The following ATP2B2 variants were observed in gnomAD, a reference collection of about 807,000 sequenced individuals.
ATP2B2 encodes the protein ATPase plasma membrane Ca2+ transporting 2.
Under a neutral mutation model 120.0 loss-of-function variants are expected in ATP2B2, and 15 were observed. The ratio of observed to expected loss-of-function variants is 0.12; its 90% confidence interval spans 0.08 to 0.19. The LOEUF (loss-of-function observed/expected upper bound fraction) is 0.19. Among genes scored for constraint, ATP2B2 ranks in the 10% least tolerant of loss-of-function variants. The probability of loss-of-function intolerance (pLI) is 1.00; values close to 1 mark genes in which losing one functional copy is unlikely to be tolerated. For missense variants in ATP2B2, 1,045 were observed against 1,719.8 expected (o/e 0.61, Z 6.94); for synonymous variants, 694 against 700.3 (o/e 0.99, Z 0.14).
chr3:10,442,395 G>A (rs776800387), intron 2 of ATP2B2, among the ~76,000 whole-genome samples: 13 of 152,122 alleles, frequency 8.5e-5, no homozygotes, highest in South Asian at 4.2e-4. Flanking sequence ...TATCTGTCCC[G>A]TGCTCTCCCT....
At chr3:10,392,264 T>C (rs1048308977) in intron 5 of ATP2B2, among the ~76,000 whole-genome samples, 1 of 152,170 alleles carries the variant, frequency 6.6e-6, no homozygotes, top group African/African-American at 2.4e-5. Flanking sequence ...ACATTTATAA[T>C]TGGGAATACC....
intron 3 of ATP2B2, among the ~76,000 whole-genome samples, chr3:10,523,043 T>C (rs376354387): frequency 2.9e-4 from 44 of 152,280 alleles, no homozygotes; most frequent in African/African-American, 1.0e-3. Flanking sequence ...CAGATGTGGA[T>C]AGTGAGGGTA....
At chr3:10,552,391 G>A (rs1014973073) in intron 2 of ATP2B2, among the ~76,000 whole-genome samples, 1 of 152,258 alleles carries the variant, frequency 6.6e-6, no homozygotes, top group African/African-American at 2.4e-5. Flanking sequence ...AGGTGGCAGC[G>A]TCCTGCCTTC....
At chr3:10,546,832 C>G (rs1044772236) in intron 2 of ATP2B2, among the ~76,000 whole-genome samples, 21 of 152,136 alleles carry the variant, frequency 1.4e-4, no homozygotes, top group African/African-American at 4.1e-4. Flanking sequence ...GGTGATGAAG[C>G]CAGGATTTGA....
chr3:10,464,386 G>T (rs2064643935), intron 1 of ATP2B2, among the ~76,000 whole-genome samples: 1 of 152,088 alleles, frequency 6.6e-6, no homozygotes, highest in Non-Finnish European at 1.5e-5. Context: ...CAGAGCCAAG[G>T]GTTTGATGCT....
upstream of ATP2B2, among the ~76,000 whole-genome samples, chr3:10,507,575 A>G (rs555513348): frequency 5.3e-5 from 8 of 152,268 alleles, no homozygotes; most frequent in Middle Eastern, 3.4e-3. Context: ...GCCAGCCTAC[A>G]TGTCTGTGCC....
At chr3:10,463,966 G>T (rs58267841) in intron 1 of ATP2B2, among the ~76,000 whole-genome samples, 1 of 152,138 alleles carries the variant, frequency 6.6e-6, no homozygotes, top group Non-Finnish European at 1.5e-5. Flanking sequence ...CTCTGCGTCC[G>T]CTCTCCTGGC....
chr3:10,400,973 T>C lies in ATP2B2; in HGVS notation c.761A>G (p.Lys254Arg). Residue 254 changes from lysine (K) to arginine (R), a missense_variant, in exon 5 of 23, where the codon AAG becomes AGG. This residue lies in a region of ATP2B2 where 145 missense variants were observed against 202.0 expected (regional missense o/e 0.72). Transcript: ENST00000360273. The part of the protein sequence containing the change: ...ESDQVRKSVD[K>R]DPMLLSGTHV... The stretch of plus-strand genomic sequence containing the variant: ...CTCACCTGACAGCAGCATGGGGTCC[T>C]TGTCCACGGACTTGCGCACCTGGTC... 2.5e-6 allele frequency: 4 copies of C among 1,614,070 alleles called. No homozygotes were observed. Among genetic ancestry groups the C allele is most frequent in the Non-Finnish European group, 3.4e-6 (4 of 1,179,976 alleles).
rs932137656 is a variant in ATP2B2, at chr3:10,498,207, G to A, written c.-320+7258C>T. 3.3e-5 allele frequency among the ~76,000 whole-genome samples: 5 copies of A among 152,214 alleles called. No individual in the cohort carries two copies. In the South Asian group the frequency reaches 1.0e-3, roughly 32 times the overall value. On this transcript the variant is annotated intron_variant, in intron 1 of 22. Coordinates refer to ENST00000360273, the MANE Select transcript of ATP2B2 (RefSeq NM_001001331.4). ...AGTGTTGTCATCTCCATTTGACAGTGGAGGGAACGGAGGCTTGGAGATTAA... is the reference window on the plus strand; with the variant it reads ...AGTGTTGTCATCTCCATTTGACAGTAGAGGGAACGGAGGCTTGGAGATTAA...
At chr3:10,576,454 C>T (rs2068249527) in intron 2 of ATP2B2, among the ~76,000 whole-genome samples, 1 of 152,156 alleles carries the variant, frequency 6.6e-6, no homozygotes, top group Non-Finnish European at 1.5e-5. Context: ...CATCATGGCT[C>T]ACTGCAGCAT....
At chr3:10,481,564 A>AT (rs1212383287) in intron 1 of ATP2B2, among the ~76,000 whole-genome samples, 3 of 151,928 alleles carry the variant, frequency 2.0e-5, no homozygotes, top group Admixed American at 2.0e-4. Context: ...ATTTTATTTT[A>AT]TTTTTTTGAG....
At chr3:10,449,206 G>T in intron 2 of ATP2B2, 139 bp downstream of exon 2, 1 of 968,952 alleles carries the variant, frequency 1.0e-6, no homozygotes, top group Non-Finnish European at 1.5e-6. Flanking sequence ...CAGCTAGAAT[G>T]CACTACAATG....
intron 1 of ATP2B2, among the ~76,000 whole-genome samples, chr3:10,451,014 C>T (rs934627012): frequency 1.3e-5 from 2 of 152,184 alleles, no homozygotes; most frequent in African/African-American, 4.8e-5. Context: ...TGACCCCCTC[C>T]TCAGCTCCAA....
intron 1 of ATP2B2, among the ~76,000 whole-genome samples, chr3:10,464,401 C>T (rs1333086064): frequency 6.6e-6 from 1 of 152,122 alleles, no homozygotes; most frequent in Non-Finnish European, 1.5e-5. Flanking sequence ...GATGCTGAGG[C>T]TCCAAGCCCC....
At chr3:10,560,965 A>G (rs1434333439) in intron 2 of ATP2B2, among the ~76,000 whole-genome samples, 1 of 152,096 alleles carries the variant, frequency 6.6e-6, no homozygotes, top group Non-Finnish European at 1.5e-5. Flanking sequence ...TTCTGCCTGG[A>G]ACACTCGTGC....
chr3:10,648,475 A>G (rs1271361458), intron 1 of ATP2B2, among the ~76,000 whole-genome samples: 1 of 152,174 alleles, frequency 6.6e-6, no homozygotes, highest in Non-Finnish European at 1.5e-5. Context: ...ATCAAGGCCC[A>G]TGGCTTTGAC....
At chr3:10,611,923 C>T (rs1182499284) in intron 2 of ATP2B2, among the ~76,000 whole-genome samples, 3 of 152,180 alleles carry the variant, frequency 2.0e-5, no homozygotes, top group East Asian at 1.9e-4. Context: ...AGATGCTCAA[C>T]AGAAATAGCT....
chr3:10,487,644 C>A (rs2065743563), intron 1 of ATP2B2, among the ~76,000 whole-genome samples: 1 of 152,136 alleles, frequency 6.6e-6, no homozygotes, highest in African/African-American at 2.4e-5. Flanking sequence ...AGAGTAAGTA[C>A]TCAATGAAAA....
chr3:10,402,478 A>G lies in ATP2B2; in HGVS notation c.398-130T>C. ...TCAGATGATAATTATCCACTTACTC[A>G]GTGTGTCTGGGTACCAAGCCCTGTG... On this transcript the variant is annotated intron_variant, in intron 3 of 22. Coordinates refer to ENST00000360273, the MANE Select transcript of ATP2B2 (RefSeq NM_001001331.4). This position sits in a 1 kb window ranked among gnomAD's most constrained non-coding sequence, Gnocchi z 4.9. 1 of 1,379,772 alleles carries G rather than the reference A, an allele frequency of 7.2e-7. No individual in the cohort carries two copies. The allele number at this position is 1,379,772 out of a possible 1,614,324, so 85.5% of individuals were successfully genotyped here.
Sources: allele counts gnomAD v4.1 joint callset (sites outside exome capture counted in the v4.1 genomes callset), GRCh38; gene constraint gnomAD v4.1.1; regional missense constraint gnomAD v4.1.1; non-coding constraint Gnocchi (gnomAD v3.1); transcripts MANE v1.5; gene names NCBI Gene and HGNC (gene_info 2026-07-23, HGNC 2026-07-21).